The following BCAS4 variants were observed in gnomAD, a reference collection of about 807,000 sequenced individuals.
BCAS4 encodes breast carcinoma-amplified sequence 4.
BCAS4 carries 9 observed loss-of-function variants against 15.7 expected under a neutral mutation model. That is an observed-to-expected ratio of 0.57 (90% CI 0.34 to 1.00). The LOEUF is 1.00. BCAS4 is among the 50% of genes least tolerant of loss of function. The pLI, the probability that BCAS4 is intolerant of heterozygous loss-of-function variation, is 0.02. For missense variants in BCAS4, 225 were observed against 239.1 expected, an observed-to-expected ratio of 0.94 and a Z score of 0.39; for synonymous variants, 101 against 99.5, an observed-to-expected ratio of 1.02 and a Z score of -0.09.
the BCAS4 span, chr20:50,882,670 A>C: frequency 6.6e-6 from 1 of 152,254 alleles, no homozygotes; most frequent in African/African-American, 2.4e-5. Context: ...AGGAGAATGC[A>C]TATAAAGAAC....
intron 4 of BCAS4, among the ~76,000 whole-genome samples, chr20:50,857,180 G>A (rs752470876): frequency 9.9e-5 from 15 of 152,280 alleles, no homozygotes; most frequent in East Asian, 5.8e-4. Context: ...TGCCCAGGCC[G>A]GAGTGCAATG....
Position 50,818,279 on chromosome 20 carries a change from C to G in BCAS4, c.159C>G (p.Asp53Glu). The change falls in exon 2 of 5, where the codon GAC becomes GAG. Residue 53 changes from aspartate (D) to glutamate (E), a missense_variant. Transcript: ENST00000371608. Reference sequence around the variant, plus strand: ...TGGAAGAGTTTTGCAGCCTGGCTGACCTGGTGAGTGGCTGCCTGGAAGGCG... The same window carrying G: ...TGGAAGAGTTTTGCAGCCTGGCTGAGCTGGTGAGTGGCTGCCTGGAAGGCG... ...LRLEEFCSLADLIRSDTSQIL... is the reference protein window; with the variant it reads ...LRLEEFCSLAELIRSDTSQIL... The G allele has an allele frequency of 6.6e-7, 1 of 1,518,954 alleles. No individual in the cohort carries two copies. Among genetic ancestry groups the G allele is most frequent in the Non-Finnish European group, 8.8e-7 (1 of 1,131,750 alleles). The allele number at this position is 1,518,954 out of a possible 1,614,324, so 94.1% of individuals were successfully genotyped here.
intron 4 of BCAS4, among the ~76,000 whole-genome samples, chr20:50,865,975 TAGC>T (rs1294678873): frequency 6.6e-6 from 1 of 152,028 alleles, no homozygotes; most frequent in Admixed American, 6.6e-5. Context: ...AGCCAGGACA[TAGC>T]AGGGCACCCA....
chr20:50,843,187 A>T (rs554761588), intron 4 of BCAS4, among the ~76,000 whole-genome samples: 21 of 151,656 alleles, frequency 1.4e-4, no homozygotes, highest in Non-Finnish European at 2.7e-4. Context: ...CATCTCTTGG[A>T]CTTCAGCGAT....
intron 4 of BCAS4, among the ~76,000 whole-genome samples, chr20:50,843,048 C>T (rs1254628891): frequency 6.6e-6 from 1 of 152,186 alleles, no homozygotes; most frequent in Non-Finnish European, 1.5e-5. Context: ...CAGCCTGGAA[C>T]TCCTGGGCTC....
At chr20:50,855,007 G>C (rs1279972883) in intron 4 of BCAS4, among the ~76,000 whole-genome samples, 2 of 152,190 alleles carry the variant, frequency 1.3e-5, no homozygotes, top group Admixed American at 6.5e-5. Context: ...GGGGTGGCCG[G>C]GTTCGTGGTG....
At chr20:50,852,423 C>A (rs1293506925) in intron 4 of BCAS4, among the ~76,000 whole-genome samples, 1 of 151,934 alleles carries the variant, frequency 6.6e-6, no homozygotes, top group Non-Finnish European at 1.5e-5. Context: ...ACTCTGTTGC[C>A]CAGGCTGGAG....
In BCAS4 at chr20:50,876,728, G is replaced by T. The variant is rs536585672; in HGVS notation, c.*120G>T. 5 of 1,247,430 alleles carry T rather than the reference G, an allele frequency of 4.0e-6. No individual in the cohort carries two copies. The Admixed American group carries it at 1.6e-4, about 39-fold the overall frequency. The allele number at this position is 1,247,430 out of a possible 1,614,324, so 77.3% of individuals were successfully genotyped here. A position where few individuals can be genotyped will look rare whatever the true frequency, so the allele number is the denominator to read the frequency against. ...TTTTAAAAATATTTAAAAAAATGTC[G>T]AGATGGGGTCTCACTATGTTGTCCA... On this transcript the variant is annotated 3_prime_UTR_variant, in exon 5 of 5. Coordinates refer to ENST00000371608, the MANE Select transcript of BCAS4 (RefSeq NM_198799.4).
intron 1 of BCAS4, among the ~76,000 whole-genome samples, chr20:50,802,099 C>T (rs935353518): frequency 6.6e-6 from 1 of 152,054 alleles, no homozygotes; most frequent in African/African-American, 2.4e-5. Flanking sequence ...GTTTGGGAGG[C>T]TGAGGTAAGA....
At chr20:50,826,866 G>C (rs2088283434) in intron 2 of BCAS4, among the ~76,000 whole-genome samples, 1 of 152,162 alleles carries the variant, frequency 6.6e-6, no homozygotes, top group East Asian at 1.9e-4. Flanking sequence ...TATTCAAGAG[G>C]CTGAGGCTGG....
At chr20:50,796,279 G>A (rs2087855292) in intron 1 of BCAS4, among the ~76,000 whole-genome samples, 1 of 148,148 alleles carries the variant, frequency 6.8e-6, no homozygotes, top group Non-Finnish European at 1.5e-5. Flanking sequence ...TGAGGCAGGA[G>A]GATCGCTTGA....
chr20:50,826,561 G>GT (rs1440619287), intron 2 of BCAS4, among the ~76,000 whole-genome samples: 2 of 152,150 alleles, frequency 1.3e-5, no homozygotes, highest in Admixed American at 1.3e-4. Context: ...TAACCCTAAA[G>GT]TTTTTTTAAA....
intron 4 of BCAS4, among the ~76,000 whole-genome samples, chr20:50,855,290 CTCTA>C (rs1292249446): frequency 2.0e-5 from 3 of 152,192 alleles, no homozygotes; most frequent in African/African-American, 7.2e-5. Flanking sequence ...TCTGGTCTGT[CTCTA>C]TCTTTGTGTC....
At chr20:50,818,601 G>A (rs899147149) in intron 2 of BCAS4, among the ~76,000 whole-genome samples, 1 of 152,212 alleles carries the variant, frequency 6.6e-6, no homozygotes, top group African/African-American at 2.4e-5. Context: ...GAGCCGTTCA[G>A]CGGGGACGCT....
At chr20:50,806,630 C>G (rs1461252842) in intron 1 of BCAS4, among the ~76,000 whole-genome samples, 2 of 152,194 alleles carry the variant, frequency 1.3e-5, no homozygotes, top group Admixed American at 6.6e-5. Flanking sequence ...GCCTCTCAAC[C>G]TCTAGAGCCT....
intron 4 of BCAS4, among the ~76,000 whole-genome samples, chr20:50,872,263 C>CAAAAAAAAAAAAAA (rs71192504): frequency 1.6e-5 from 1 of 62,738 alleles, no homozygotes. Context: ...GACTCTGTCT[C>CAAAAAAAAAAAAAA]AAAAAAAAAA....
chr20:50,861,828 T>TC (rs1443222413), intron 4 of BCAS4, among the ~76,000 whole-genome samples: 1 of 151,278 alleles, frequency 6.6e-6, no homozygotes, highest in Non-Finnish European at 1.5e-5. Context: ...TTTCTTTCTT[T>TC]TCTTTCTTCT....
At chr20:50,832,338 A>ACCTCCGCCTC (rs1232227457) in intron 3 of BCAS4, among the ~76,000 whole-genome samples, 2 of 151,566 alleles carry the variant, frequency 1.3e-5, no homozygotes, top group Non-Finnish European at 2.9e-5. Context: ...GCTCTCTGCA[A>ACCTCCGCCTC]CCTCCGCCTC....
intron 4 of BCAS4, among the ~76,000 whole-genome samples, chr20:50,863,148 G>A (rs1157746835): frequency 3.3e-5 from 5 of 151,396 alleles, no homozygotes; most frequent in Non-Finnish European, 5.9e-5. Flanking sequence ...TTTTTTGAAT[G>A]GATAACAGCT....
Sources: allele counts gnomAD v4.1 joint callset (sites outside exome capture counted in the v4.1 genomes callset), GRCh38; gene constraint gnomAD v4.1.1; transcripts MANE v1.5; gene names NCBI Gene and HGNC (gene_info 2026-07-23, HGNC 2026-07-21).